Variants in SPACA1 observed in about 807,000 individuals in gnomAD.
The protein encoded by SPACA1 is sperm acrosome associated 1, also known as sperm acrosome membrane-associated protein 1.
A neutral mutation model predicts 32.6 loss-of-function variants in SPACA1; 17 were observed. That is an observed-to-expected ratio of 0.52 (90% CI 0.36 to 0.78). The LOEUF (loss-of-function observed/expected upper bound fraction) is 0.78. Ranked by LOEUF, SPACA1 falls within the 30% of genes least tolerant of loss-of-function variation. The probability of loss-of-function intolerance (pLI) is 0.01; values close to 1 mark genes in which losing one functional copy is unlikely to be tolerated. For synonymous variants in SPACA1, 140 were observed against 138.1 expected (o/e 1.01, Z -0.10); for missense variants, 363 against 373.4 (o/e 0.97, Z 0.23).
In SPACA1 at chr6:88,058,762, T is replaced by C; in HGVS notation, c.414T>C (p.Cys138=). The C allele has an allele frequency of 6.2e-7, 1 of 1,614,000 alleles. No individual in the cohort carries two copies. The highest frequency in any genetic ancestry group is 8.5e-7 in the Non-Finnish European group (1 of 1,179,944). The part of the protein sequence containing the change: ...SESLESVRLA[C]IHTSPLNRFK... The stretch of plus-strand genomic sequence containing the variant: ...GTCTTGAAAGTGTTAGATTGGCATG[T>C]ATTCACACATCTCCCTTAAATCGTT... Residue 138 remains cysteine, a synonymous_variant, in exon 4 of 7, where the codon TGT becomes TGC. Transcript: ENST00000237201.
At chr6:88,059,243 T>G (rs1446827369) in intron 4 of SPACA1, among the ~76,000 whole-genome samples, 1 of 152,174 alleles carries the variant, frequency 6.6e-6, no homozygotes, top group Non-Finnish European at 1.5e-5. Context: ...TACAAGTAAG[T>G]AACTAACTTG....
In SPACA1 at chr6:88,066,311, T is replaced by G; in HGVS notation, c.861T>G (p.Asp287Glu). 6.2e-7 allele frequency: 1 copy of G among 1,611,420 alleles called. No individual in the cohort carries two copies. The highest frequency in any genetic ancestry group is 1.1e-5 in the South Asian group (1 of 90,626). The stretch of plus-strand genomic sequence containing the variant: ...CAACAGAAATGCCTGGTGAAGATGA[T>G]GCTTTAAGTGAATGGAATGAATGAT... ...QLPTEMPGEDDALSEWNE is the reference protein window; with the variant it reads ...QLPTEMPGEDEALSEWNE The change falls in exon 7 of 7, where the codon GAT becomes GAG. Residue 287 changes from aspartate (D) to glutamate (E), a missense_variant. Transcript: ENST00000237201.
At chr6:88,052,607 C>T (rs890491215) in intron 1 of SPACA1, among the ~76,000 whole-genome samples, 1 of 152,114 alleles carries the variant, frequency 6.6e-6, no homozygotes, top group African/African-American at 2.4e-5. Flanking sequence ...GAGACTGAGG[C>T]TGGTGGATCA....
intron 1 of SPACA1, among the ~76,000 whole-genome samples, chr6:88,053,455 A>G (rs1039463229): frequency 5.9e-5 from 9 of 152,320 alleles, no homozygotes; most frequent in African/African-American, 1.9e-4. Context: ...AATTCTTAGA[A>G]ATATTTAAAT....
chr6:88,058,682 C>A, intron 3 of SPACA1, 34 bp from the exon 4 acceptor site: 3 of 1,447,490 alleles, frequency 2.1e-6, no homozygotes, highest in South Asian at 1.2e-5. Context: ...ATTTATAATG[C>A]CCAATGGTAT....
At chr6:88,066,049 A>G in intron 6 of SPACA1, 133 bp from the exon 7 acceptor site, 1 of 589,044 alleles carries the variant, frequency 1.7e-6, no homozygotes, top group Non-Finnish European at 2.7e-6. Flanking sequence ...TATTTGTACC[A>G]TATATAATAT....
At chr6:88,057,876 G>T (rs1379561042) in intron 3 of SPACA1, among the ~76,000 whole-genome samples, 163 bp downstream of exon 3, 1 of 152,164 alleles carries the variant, frequency 6.6e-6, no homozygotes, top group Non-Finnish European at 1.5e-5. Context: ...TTATAGTTCT[G>T]AGCAACTTTC....
At chr6:88,052,873 A>G (rs1017865651) in intron 1 of SPACA1, among the ~76,000 whole-genome samples, 3 of 152,178 alleles carry the variant, frequency 2.0e-5, no homozygotes, top group Non-Finnish European at 4.4e-5. Flanking sequence ...GGTGCTCTTA[A>G]GTACAGAATA....
In SPACA1 at chr6:88,064,531, T is replaced by A. The variant is rs573080486; in HGVS notation, c.731+312T>A. On this transcript the variant is annotated intron_variant, in intron 6 of 6. Transcript: ENST00000237201. ...GAATATTTGTGTTGTCCAGTTGTGG[T>A]TCTCTCAACTCTAAAACTTGGTTAT... 1.0e-4 allele frequency: 17 copies of A among 162,676 alleles called. No homozygotes were observed. The South Asian group carries it at 3.1e-3, about 30-fold the overall frequency. The allele number at this position is 162,676 out of a possible 1,614,324, so 10.1% of individuals were successfully genotyped here. A position where few individuals can be genotyped will look rare whatever the true frequency, so the allele number is the denominator to read the frequency against.
chr6:88,064,331 A>C, intron 6 of SPACA1, 112 bp downstream of exon 6: 1 of 1,115,166 alleles, frequency 9.0e-7, no homozygotes, highest in South Asian at 1.9e-5. Context: ...TGTTGCCTTG[A>C]AACTGTCCAT....
chr6:88,059,703 T>A (rs1775864578), intron 5 of SPACA1, 115 bp downstream of exon 5: 5 of 1,079,854 alleles, frequency 4.6e-6, no homozygotes, highest in Middle Eastern at 2.7e-4. Context: ...AGTTTCTGAT[T>A]CAGTAGATTT....
At chr6:88,059,335 A>G in intron 4 of SPACA1, 118 bp from the exon 5 acceptor site, 1 of 870,892 alleles carries the variant, frequency 1.1e-6, no homozygotes, top group Non-Finnish European at 1.7e-6. Context: ...TAGATCATTA[A>G]TTACTCAACT....
chr6:88,063,986 C>A, intron 5 of SPACA1, 113 bp from the exon 6 acceptor site: 3 of 1,207,930 alleles, frequency 2.5e-6, no homozygotes, highest in Non-Finnish European at 3.4e-6. Context: ...TTTCTCTGCA[C>A]TAAGCATTTC....
intron 1 of SPACA1, among the ~76,000 whole-genome samples, chr6:88,052,346 T>G (rs1775739899): frequency 6.6e-6 from 1 of 152,220 alleles, no homozygotes; most frequent in Non-Finnish European, 1.5e-5. Context: ...CAGCACTCAT[T>G]CTCTTAGCCG....
In SPACA1 at chr6:88,064,233, G is replaced by T; in HGVS notation, c.731+14G>T. On this transcript the variant is annotated intron_variant, in intron 6 of 6. Coordinates refer to ENST00000237201, the MANE Select transcript of SPACA1 (RefSeq NM_030960.3). ...AATCATAAATTGGTAGGTGAATAGT[G>T]GAATGCATCATCACCCTTGATTGAC... The T allele has an allele frequency of 6.2e-7, 1 of 1,604,032 alleles. No homozygotes were observed. The highest frequency in any genetic ancestry group is 8.5e-7 in the Non-Finnish European group (1 of 1,175,432).
At chr6:88,060,642 G>T (rs888254562) in intron 5 of SPACA1, among the ~76,000 whole-genome samples, 16 of 152,090 alleles carry the variant, frequency 1.1e-4, no homozygotes, top group African/African-American at 3.9e-4. Context: ...CCTCTATTGG[G>T]ATATCAGGTG....
At chr6:88,065,457 T>C (rs1359263195) in intron 6 of SPACA1, among the ~76,000 whole-genome samples, 1 of 148,096 alleles carries the variant, frequency 6.8e-6, no homozygotes, top group East Asian at 1.9e-4. Context: ...ATACTATATG[T>C]ACACATATAA....
At chr6:88,065,804 G>A (rs1775974032) in intron 6 of SPACA1, among the ~76,000 whole-genome samples, 1 of 148,440 alleles carries the variant, frequency 6.7e-6, no homozygotes, top group South Asian at 2.1e-4. Flanking sequence ...TTTTTGAATA[G>A]TAATTTTTAT....
intron 5 of SPACA1, among the ~76,000 whole-genome samples, chr6:88,061,884 A>G (rs558905544): frequency 5.9e-5 from 9 of 152,268 alleles, no homozygotes; most frequent in Admixed American, 4.6e-4. Flanking sequence ...TACCTGTAAA[A>G]ATAGTCTAGG....
Sources: gnomAD v4.1 joint callset for allele counts (sites outside exome capture counted in the v4.1 genomes callset) on GRCh38, gnomAD v4.1.1 for gene constraint, MANE v1.5 for transcripts, NCBI Gene and HGNC (gene_info 2026-07-23, HGNC 2026-07-21) for gene names.